Variants in GLIS1 observed in about 807,000 individuals in gnomAD.
GLIS1 encodes the protein zinc finger protein GLIS1.
GLIS1 carries 24 observed loss-of-function variants against 63.8 expected under a neutral mutation model. The ratio of observed to expected loss-of-function variants is 0.38; its 90% CI spans 0.27 to 0.53. The LOEUF is 0.53. Among genes scored for constraint, GLIS1 ranks in the 20% least tolerant of loss-of-function variants. The probability of loss-of-function intolerance (pLI) is 0.85; values close to 1 mark genes in which losing one functional copy is unlikely to be tolerated. For missense variants in GLIS1, 1,036 were observed against 1,074.1 expected (o/e 0.96, Z 0.50); for synonymous variants, 450 against 482.5 (o/e 0.93, Z 0.88).
At chr1:53,567,428 A>C (rs1360141510) in intron 4 of GLIS1, among the ~76,000 whole-genome samples, 1 of 152,242 alleles carries the variant, frequency 6.6e-6, no homozygotes, top group Non-Finnish European at 1.5e-5. Context: ...AGAGCATAAA[A>C]TGTTTGGAAA....
chr1:53,607,883 C>T (rs1189705711), intron 2 of GLIS1, among the ~76,000 whole-genome samples: 1 of 151,886 alleles, frequency 6.6e-6, no homozygotes, highest in African/African-American at 2.4e-5. Flanking sequence ...AGACAGCAGC[C>T]TTCTCACTAT....
Position 53,614,792 on chromosome 1 carries a change from G to A in GLIS1, c.260-14514C>T, listed in dbSNP as rs186735494. ...ATCTCACAGAATTGTTCTCTCACAC[G>A]CACACACACGCACACACATGCACAC... On this transcript the variant is annotated intron_variant, in intron 2 of 10. Coordinates refer to ENST00000628545, the MANE Select transcript of GLIS1 (RefSeq NM_001367484.1). Among the ~76,000 whole-genome samples, 9 of 136,402 alleles carry A rather than the reference G, an allele frequency of 6.6e-5. 1 individual carries two copies. The highest frequency in any genetic ancestry group is 7.4e-5 in the Admixed American group (1 of 13,584). The allele number at this position is 136,402 out of a possible 152,430, so 89.5% of individuals were successfully genotyped here. A position where few individuals can be genotyped will look rare whatever the true frequency, so the allele number is the denominator to read the frequency against.
In GLIS1 at chr1:53,511,701, T is replaced by A. The variant is rs770940725; in HGVS notation, c.1884-1674A>T. 6.6e-6 allele frequency among the ~76,000 whole-genome samples: 1 copy of A among 152,192 alleles called. No homozygotes were observed. Among genetic ancestry groups the A allele is most frequent in the Non-Finnish European group, 1.5e-5 (1 of 68,014 alleles). ...GGGGTGATCAAGTGGGACAGCGTCT[T>A]CCTCTATGCACTAGAAACCGTGGAC... On this transcript the variant is annotated intron_variant, in intron 8 of 10. Coordinates refer to ENST00000628545, the MANE Select transcript of GLIS1 (RefSeq NM_001367484.1). This position sits in a 1 kb window ranked among gnomAD's most constrained non-coding sequence, Gnocchi z 4.2.
chr1:53,524,991 G>T, intron 5 of GLIS1, 104 bp from the exon 6 acceptor site: 1 of 852,324 alleles, frequency 1.2e-6, no homozygotes, highest in Non-Finnish European at 1.9e-6. Flanking sequence ...GAGGCTGGCT[G>T]CAGGCCAAGA....
chr1:53,541,599 C>T (rs190201463), intron 4 of GLIS1, among the ~76,000 whole-genome samples: 193 of 152,360 alleles, frequency 1.3e-3, no homozygotes, highest in African/African-American at 4.3e-3. Flanking sequence ...GCCCTGCACA[C>T]GCACTCAAGT....
At chr1:53,532,329 T>G (rs1644539749) in intron 4 of GLIS1, among the ~76,000 whole-genome samples, 1 of 152,114 alleles carries the variant, frequency 6.6e-6, no homozygotes, top group Non-Finnish European at 1.5e-5. Context: ...AGGGCAGAGC[T>G]GCTCAGACAG....
At chr1:53,510,158 T>C in intron 8 of GLIS1, 131 bp from the exon 9 acceptor site, 1 of 435,222 alleles carries the variant, frequency 2.3e-6, no homozygotes, top group Non-Finnish European at 3.9e-6. Context: ...CGACTTACAA[T>C]AGTTAGAAGA....
chr1:53,655,460 A>G (rs144555467), intron 2 of GLIS1, among the ~76,000 whole-genome samples: 1,826 of 152,332 alleles, frequency 0.012, 32 homozygotes, highest in African/African-American at 0.042. Context: ...TCCGTGTCTC[A>G]GTTTCCTCAT....
At chr1:53,509,756 C>T in intron 9 of GLIS1, 93 bp downstream of exon 9, 1 of 753,636 alleles carries the variant, frequency 1.3e-6, no homozygotes, top group Non-Finnish European at 1.9e-6. Context: ...TGAGTACCTG[C>T]CTCCCCCACT....
chr1:53,565,137 C>T (rs935363383), intron 4 of GLIS1, among the ~76,000 whole-genome samples: 1 of 151,972 alleles, frequency 6.6e-6, no homozygotes, highest in African/African-American at 2.4e-5. Flanking sequence ...CCCACTGCAT[C>T]AATCAAAACA....
intron 2 of GLIS1, among the ~76,000 whole-genome samples, chr1:53,720,248 C>A (rs1646740237): frequency 6.6e-6 from 1 of 152,192 alleles, no homozygotes; most frequent in Non-Finnish European, 1.5e-5. Context: ...AAGAAGGAAT[C>A]AACCTAAGTG....
At chr1:53,688,746 G>C (rs374579085) in intron 2 of GLIS1, 3 of 152,138 alleles carry the variant, frequency 2.0e-5, no homozygotes, top group African/African-American at 4.8e-5. Flanking sequence ...TTTTTGTGTG[G>C]GGGGGGATGT....
At chr1:53,681,662 A>G (rs1203012905) in intron 2 of GLIS1, among the ~76,000 whole-genome samples, 1 of 152,170 alleles carries the variant, frequency 6.6e-6, no homozygotes, top group Admixed American at 6.5e-5. Flanking sequence ...ACTACTAAGG[A>G]GAGGTAGGAA....
intron 2 of GLIS1, among the ~76,000 whole-genome samples, chr1:53,668,663 A>G (rs1341317684): frequency 2.0e-5 from 3 of 152,044 alleles, no homozygotes; most frequent in Admixed American, 2.0e-4. Flanking sequence ...GCCCAGCCCT[A>G]TGTTTAGATA....
intron 2 of GLIS1, among the ~76,000 whole-genome samples, chr1:53,609,692 G>C (rs1645407308): frequency 6.6e-6 from 1 of 152,084 alleles, no homozygotes; most frequent in Admixed American, 6.5e-5. Context: ...TTCTATTGCA[G>C]TCTAATATAG....
chr1:53,547,519 C>T (rs577012149), intron 4 of GLIS1, among the ~76,000 whole-genome samples: 11 of 152,356 alleles, frequency 7.2e-5, no homozygotes, highest in South Asian at 2.1e-4. Flanking sequence ...CACTTACCTC[C>T]GCCAGGCTCC....
chr1:53,506,526 C>T lies in GLIS1; in HGVS notation c.*93G>A. The T allele has an allele frequency of 1.5e-6, 2 of 1,343,904 alleles. No individual in the cohort carries two copies. The highest frequency in any genetic ancestry group is 1.8e-5 in the Admixed American group (1 of 54,740). The allele number at this position is 1,343,904 out of a possible 1,614,324, so 83.2% of individuals were successfully genotyped here. A position where few individuals can be genotyped will look rare whatever the true frequency, so the allele number is the denominator to read the frequency against. ...CCTGGCTGTTCCGGCTGTGGCCTGG[C>T]ACTCCTGCTAGGTGCACGGAGGGTG... is the stretch of plus-strand genomic sequence containing the variant. On this transcript the variant is annotated 3_prime_UTR_variant, in exon 11 of 11. Coordinates refer to ENST00000628545, the MANE Select transcript of GLIS1 (RefSeq NM_001367484.1).
rs1645300600 is a variant in GLIS1, at chr1:53,600,095, A to C, written c.437+6T>G. ...GTGTCCACAGAAAGCAGCTGCCCACACCTACCTGTCAGGGTGGGGGAAATG... is the reference window on the plus strand; with the variant it reads ...GTGTCCACAGAAAGCAGCTGCCCACCCCTACCTGTCAGGGTGGGGGAAATG... On this transcript the variant is annotated splice_donor_region_variant and intron_variant, in intron 3 of 10. Transcript: ENST00000628545. The C allele has an allele frequency of 3.3e-6, 4 of 1,227,028 alleles. No homozygotes were observed. Among genetic ancestry groups the C allele is most frequent in the Non-Finnish European group, 4.1e-6 (4 of 983,302 alleles). The allele number at this position is 1,227,028 out of a possible 1,614,324, so 76.0% of individuals were successfully genotyped here. A position where few individuals can be genotyped will look rare whatever the true frequency, so the allele number is the denominator to read the frequency against.
rs149109766 is a variant in GLIS1 at position 53,734,304 on chromosome 1, TAA to T, written c.259+3500_259+3501del. ...ACAAATGGAATCATGTGGTAAACTA[TAA>T]AGTTTTCTAACTATGGCATAGATAC... On this transcript the variant is annotated intron_variant, in intron 2 of 10. Coordinates refer to ENST00000628545, the MANE Select transcript of GLIS1 (RefSeq NM_001367484.1). 6.2e-3 allele frequency: 3,730 copies of T among 602,866 alleles called. 110 individuals are homozygous for T. The African/African-American group carries it at 0.068, about 11-fold the overall frequency. The allele number at this position is 602,866 out of a possible 1,614,324, so 37.3% of individuals were successfully genotyped here.
Sources: gnomAD v4.1 joint callset for allele counts (sites outside exome capture counted in the v4.1 genomes callset) on GRCh38, gnomAD v4.1.1 for gene constraint, Gnocchi (gnomAD v3.1) non-coding constraint, MANE v1.5 for transcripts, NCBI Gene and HGNC (gene_info 2026-07-23, HGNC 2026-07-21) for gene names.